SCG2: variants seen among roughly 807,000 people sequenced by gnomAD.
The protein encoded by SCG2 is secretogranin II, also known as secretogranin-2.
In SCG2, 23 loss-of-function variants were observed where a neutral mutation model predicts 49.5. The observed-to-expected ratio is 0.46, with a 90% CI of 0.33 to 0.66. The LOEUF is 0.66. SCG2 is among the 30% of genes least tolerant of loss of function. The probability of loss-of-function intolerance (pLI) is 0.01; values close to 1 mark genes in which losing one functional copy is unlikely to be tolerated. For missense variants in SCG2, 730 were observed against 728.2 expected, an observed-to-expected ratio of 1.00 and a Z score of -0.03; for synonymous variants, 288 against 260.4, an observed-to-expected ratio of 1.11 and a Z score of -1.02.
rs775049912 is a variant in SCG2, at chr2:223,597,886, A to G, written c.1397T>C (p.Leu466Pro). The change falls in exon 2 of 2, where the codon CTC becomes CCC. Residue 466 changes from leucine (L) to proline (P), a missense_variant. Coordinates refer to ENST00000305409, the MANE Select transcript of SCG2 (RefSeq NM_003469.5). ...PYNQEKVLPR[L>P]PYGAGRSRSN... ...TCTAGATCTTCCAGCACCATAAGGGAGCCTTGGCAGAACTTTCTCCTGGTT... is the reference window on the plus strand; with the variant it reads ...TCTAGATCTTCCAGCACCATAAGGGGGCCTTGGCAGAACTTTCTCCTGGTT... The G allele has an allele frequency of 6.2e-7, 1 of 1,614,090 alleles. No homozygotes were observed. Among genetic ancestry groups the G allele is most frequent in the East Asian group, 2.2e-5 (1 of 44,876 alleles).
chr2:223,599,948 A>T (rs1325321540), intron 1 of SCG2, among the ~76,000 whole-genome samples: 1 of 152,200 alleles, frequency 6.6e-6, no homozygotes, highest in Non-Finnish European at 1.5e-5. Context: ...TCAATCTGAT[A>T]CCGAATCCAA....
At position 223,602,287 on chromosome 2, in the gene SCG2, C is replaced by G. The variant is rs1691402565; in HGVS notation, c.-17G>C. 6.6e-6 allele frequency: 1 copy of G among 152,098 alleles called. No individual in the cohort carries two copies. Among genetic ancestry groups the G allele is most frequent in the Admixed American group, 6.5e-5 (1 of 15,276 alleles). 9.4% of individuals were successfully genotyped at this position (152,098 alleles called of 1,614,324 possible). ...ATCAAAGAGAAAAGCAGCCTTACCT[C>G]TTTTTGTTTATATGGCAGAGGAGCT... On this transcript the variant is annotated splice_region_variant and 5_prime_UTR_variant, in exon 1 of 2. Transcript: ENST00000305409.
At position 223,597,462 on chromosome 2, in the gene SCG2, C is replaced by T. The variant is rs142808232; in HGVS notation, c.1821G>A (p.Glu607=). 1.1e-4 allele frequency: 178 copies of T among 1,611,226 alleles called. No homozygotes were observed. In the African/African-American group the frequency reaches 2.0e-3, roughly 18 times the overall value. Residue 607 remains glutamate (E), a synonymous_variant, in exon 2 of 2, where the codon GAG becomes GAA. Transcript: ENST00000305409. ...TTTCCATTGCTCTCTTAGCAATATG[C>T]TCCCTTCCCTTTTCTGCCTTTTCTT... ...LNQEKAEKGR[E]HIAKRAMENM is the part of the protein sequence containing the mutation.
At position 223,597,628 on chromosome 2, in the gene SCG2, T is replaced by C. The variant is rs1459014244; in HGVS notation, c.1655A>G (p.Asn552Ser). Residue 552 changes from asparagine (N) to serine (S), a missense_variant, in exon 2 of 2, where the codon AAT becomes AGT. By Grantham distance (46) the Asn-to-Ser change is conservative. Coordinates refer to ENST00000305409, the MANE Select transcript of SCG2 (RefSeq NM_003469.5). ...GTCAGTCTCCTGAGAGCTGCCTTGA[T>C]TCAAATGCTCTTTGATGGCCTGCTC... ...QIEQAIKEHL[N>S]QGSSQETDKL... 2 of 1,614,122 alleles carry C rather than the reference T, an allele frequency of 1.2e-6. No homozygotes were observed. Among genetic ancestry groups the C allele is most frequent in the South Asian group, 2.2e-5 (2 of 91,060 alleles).
rs748036184 is a variant in SCG2, at chr2:223,597,461, G to A, written c.1822C>T (p.His608Tyr). 6.2e-7 allele frequency: 1 copy of A among 1,611,054 alleles called. No homozygotes were observed. Among genetic ancestry groups the A allele is most frequent in the Admixed American group, 1.7e-5 (1 of 59,574 alleles). ...TTTTCCATTGCTCTCTTAGCAATAT[G>A]CTCCCTTCCCTTTTCTGCCTTTTCT... ...NQEKAEKGREHIAKRAMENM is the reference protein window; with the variant it reads ...NQEKAEKGREYIAKRAMENM The change falls in exon 2 of 2, where the codon CAT (histidine) becomes TAT (tyrosine). Residue 608 changes from histidine (H) to tyrosine (Y), a missense_variant. By Grantham distance (83) the His-to-Tyr change is moderately conservative. Coordinates refer to ENST00000305409, the MANE Select transcript of SCG2 (RefSeq NM_003469.5).
At chr2:223,600,845 C>T (rs539113969) in intron 1 of SCG2, among the ~76,000 whole-genome samples, 5 of 152,154 alleles carry the variant, frequency 3.3e-5, no homozygotes, top group Non-Finnish European at 1.5e-5. Flanking sequence ...ATTATAAATA[C>T]ATGTTTACTA....
intron 1 of SCG2, among the ~76,000 whole-genome samples, chr2:223,601,257 T>C (rs1691384532): frequency 6.6e-6 from 1 of 152,206 alleles, no homozygotes; most frequent in Non-Finnish European, 1.5e-5. Context: ...GTAGTAAAGA[T>C]GTTTCAACAG....
intron 1 of SCG2, among the ~76,000 whole-genome samples, chr2:223,600,701 C>T (rs1025484524): frequency 6.6e-6 from 1 of 151,846 alleles, no homozygotes; most frequent in Non-Finnish European, 1.5e-5. Context: ...TTTTTAGAGC[C>T]CAATAATGGC....
At position 223,598,272 on chromosome 2, in the gene SCG2, C is replaced by T. The variant is rs1236490400; in HGVS notation, c.1011G>A (p.Arg337=). Residue 337 remains arginine, a synonymous_variant, in exon 2 of 2, where the codon AGG becomes AGA. Transcript: ENST00000305409. ...GAGAATCAAGAGGTTTCTCAAAAAG[C>T]CTGGTGGCCCTTTCCCCATTTTGCC... ...QNGQNGERAT[R]LFEKPLDSQS... 1.2e-6 allele frequency: 2 copies of T among 1,614,152 alleles called. No homozygotes were observed. Among genetic ancestry groups the T allele is most frequent in the Admixed American group, 3.3e-5 (2 of 60,032 alleles).
intron 1 of SCG2, among the ~76,000 whole-genome samples, chr2:223,601,610 G>T (rs1691391336): frequency 6.6e-6 from 1 of 152,042 alleles, no homozygotes; most frequent in Non-Finnish European, 1.5e-5. Context: ...TGTAATTCAT[G>T]GTCACAGCCA....
chr2:223,599,663 T>G (rs1169464278), intron 1 of SCG2, among the ~76,000 whole-genome samples: 1 of 152,194 alleles, frequency 6.6e-6, no homozygotes, highest in Non-Finnish European at 1.5e-5. Flanking sequence ...TCCCAAGATG[T>G]TTTAATTATT....
At position 223,598,624 on chromosome 2, in the gene SCG2, T is replaced by A. The variant is rs550760371; in HGVS notation, c.659A>T (p.Asp220Val). ...GPNNQKRERM[D>V]EEQKLYTDDE... ...ATCCGTATAAAGTTTTTGCTCCTCA[T>A]CCATCCTCTCACGTTTCTGGTTGTT... Residue 220 changes from aspartate (D) to valine (V), a missense_variant, in exon 2 of 2, where the codon GAT (aspartate) becomes GTT (valine). Transcript: ENST00000305409. 12 of 1,614,158 alleles carry A rather than the reference T, an allele frequency of 7.4e-6. No homozygotes were observed. Among genetic ancestry groups the A allele is most frequent in the Non-Finnish European group, 9.3e-6 (11 of 1,180,048 alleles).
rs1171658466 is a variant in SCG2, at chr2:223,597,971, T to G, written c.1312A>C (p.Asn438His). The G allele has an allele frequency of 1.9e-6, 3 of 1,613,966 alleles. No individual in the cohort carries two copies. Among genetic ancestry groups the G allele is most frequent in the African/African-American group, 2.7e-5 (2 of 74,884 alleles). The change falls in exon 2 of 2, where the codon AAT (asparagine) becomes CAT (histidine). Residue 438 changes from asparagine to histidine, a missense_variant. Asn to His is a moderately conservative substitution (Grantham distance 68). Coordinates refer to ENST00000305409, the MANE Select transcript of SCG2 (RefSeq NM_003469.5). ...PDGLSVEDIL[N>H]LLGMESAANQ... ...GCTGCACTCTCCATCCCTAAAAGAT[T>G]TAAAATATCCTCAACACTGAGCCCG...
In SCG2 at chr2:223,597,547, G is replaced by T; in HGVS notation, c.1736C>A (p.Thr579Asn). Reference sequence around the variant, plus strand: ...TTCATCCCAGTACTGCCTATTTGGGGTATCATCATTCTTCGGGGGCCCCAC... The same window carrying T: ...TTCATCCCAGTACTGCCTATTTGGGTTATCATCATTCTTCGGGGGCCCCAC... ...FPVGPPKNDDTPNRQYWDEDL... is the reference protein window; with the variant it reads ...FPVGPPKNDDNPNRQYWDEDL... Residue 579 changes from threonine (T) to asparagine (N), a missense_variant, in exon 2 of 2, where the codon ACC (threonine) becomes AAC (asparagine). Transcript: ENST00000305409. The T allele has an allele frequency of 6.2e-7, 1 of 1,614,108 alleles. No homozygotes were observed. The highest frequency in any genetic ancestry group is 8.5e-7 in the Non-Finnish European group (1 of 1,180,018).
At position 223,602,275 on chromosome 2, in the gene SCG2, G is replaced by A. The variant is rs965778508; in HGVS notation, c.-15+10C>T. On this transcript the variant is annotated intron_variant, in intron 1 of 1. Transcript: ENST00000305409. ...ACTTTCCAATAAATCAAAGAGAAAA[G>A]CAGCCTTACCTCTTTTTGTTTATAT... is the stretch of plus-strand genomic sequence containing the variant. 4 of 152,094 alleles carry A rather than the reference G, an allele frequency of 2.6e-5. No homozygotes were observed. The highest frequency in any genetic ancestry group is 9.7e-5 in the African/African-American group (4 of 41,428). 9.4% of individuals were successfully genotyped at this position (152,094 alleles called of 1,614,324 possible).
At position 223,597,561 on chromosome 2, in the gene SCG2, CG is replaced by C. The variant is rs761785853; in HGVS notation, c.1721del (p.Pro574ArgfsTer17). 4 of 1,614,112 alleles carry C rather than the reference CG, an allele frequency of 2.5e-6. No individual in the cohort carries two copies. The highest frequency in any genetic ancestry group is 3.3e-5 in the Admixed American group (2 of 60,022). ...GCCTATTTGGGGTATCATCATTCTT[CG>C]GGGGCCCCACAGGGAACCTTTTGCT... ...PVSKRFPVGP[P>X]KNDDTPNRQY... On this transcript the variant is annotated frameshift_variant, in exon 2 of 2. Transcript: ENST00000305409. LOFTEE classifies it high-confidence loss of function.
chr2:223,597,353 G>T lies in SCG2; in HGVS notation c.*76C>A, dbSNP rs1691311504. 1.3e-6 allele frequency: 2 copies of T among 1,510,762 alleles called. No individual in the cohort carries two copies. The highest frequency in any genetic ancestry group is 8.9e-7 in the Non-Finnish European group (1 of 1,125,116). The allele number at this position is 1,510,762 out of a possible 1,614,324, so 93.6% of individuals were successfully genotyped here. ...ATATTACAGTGTTAACAGGATAGAA[G>T]TCAACACACTGAAGAGAAATGTTGG... is the stretch of plus-strand genomic sequence containing the variant. On this transcript the variant is annotated 3_prime_UTR_variant, in exon 2 of 2. Transcript: ENST00000305409.
At position 223,599,086 on chromosome 2, in the gene SCG2, C is replaced by A; in HGVS notation, c.197G>T (p.Arg66Leu). The change falls in exon 2 of 2, where the codon CGA (arginine) becomes CTA (leucine). Residue 66 changes from arginine (R) to leucine (L), a missense_variant. Transcript: ENST00000305409. ...IRALEYIENLRQQAHKEESSP... is the reference protein window; with the variant it reads ...IRALEYIENLLQQAHKEESSP... Reference sequence around the variant, plus strand: ...GCTTTCTTCCTTATGAGCTTGTTGTCGGAGGTTTTCTATGTACTCCAAAGC... The same window carrying A: ...GCTTTCTTCCTTATGAGCTTGTTGTAGGAGGTTTTCTATGTACTCCAAAGC... The A allele has an allele frequency of 6.2e-7, 1 of 1,614,088 alleles. No homozygotes were observed. The highest frequency in any genetic ancestry group is 8.5e-7 in the Non-Finnish European group (1 of 1,180,012).
Position 223,597,659 on chromosome 2 carries a change from G to T in SCG2, c.1624C>A (p.Gln542Lys), listed in dbSNP as rs915032469. Residue 542 changes from glutamine to lysine, a missense_variant, in exon 2 of 2, where the codon CAA (glutamine) becomes AAA (lysine). Physicochemically the swap from Gln to Lys is moderately conservative, Grantham distance 53. Coordinates refer to ENST00000305409, the MANE Select transcript of SCG2 (RefSeq NM_003469.5). ...SSEDDLQEEE[Q>K]IEQAIKEHLN... ...TGCTCTTTGATGGCCTGCTCAATTT[G>T]TTCCTCTTCCTGCAGGTCATCTTCA... is the stretch of plus-strand genomic sequence containing the variant. 6.2e-7 allele frequency: 1 copy of T among 1,613,978 alleles called. No homozygotes were observed. The highest frequency in any genetic ancestry group is 1.3e-5 in the African/African-American group (1 of 74,914).
Sources: allele counts gnomAD v4.1 joint callset (sites outside exome capture counted in the v4.1 genomes callset), GRCh38; gene constraint gnomAD v4.1.1; transcripts MANE v1.5; gene names NCBI Gene and HGNC (gene_info 2026-07-23, HGNC 2026-07-21).